DYM: variants seen among roughly 807,000 people sequenced by gnomAD.
DYM encodes dymeclin.
A neutral mutation model predicts 93.1 loss-of-function variants in DYM; 78 were observed. The ratio of observed to expected loss-of-function variants is 0.84; its 90% CI spans 0.70 to 1.01. The LOEUF (loss-of-function observed/expected upper bound fraction) is 1.01. Among genes scored for constraint, DYM ranks in the 50% least tolerant of loss-of-function variants. DYM has a pLI of 0.00. For synonymous variants in DYM, 321 were observed against 319.7 expected (o/e 1.00, Z -0.04); for missense variants, 789 against 845.0 (o/e 0.93, Z 0.82).
At chr18:49,338,262 T>C (rs938118582) in intron 6 of DYM, among the ~76,000 whole-genome samples, 11 of 152,148 alleles carry the variant, frequency 7.2e-5, no homozygotes, top group African/African-American at 1.4e-4. Flanking sequence ...TGGTCCTTCA[T>C]AGGACATCTA....
In DYM at chr18:49,218,989, C is replaced by T. The variant is rs1287194742; in HGVS notation, c.1461-9274G>A. Among the ~76,000 whole-genome samples, 4 of 152,076 alleles carry T rather than the reference C, an allele frequency of 2.6e-5. No individual in the cohort carries two copies. In the East Asian group the frequency reaches 7.7e-4, roughly 29 times the overall value. On this transcript the variant is annotated intron_variant, in intron 13 of 17. Transcript: ENST00000675505. The stretch of plus-strand genomic sequence containing the variant: ...GGAGCTGGTTTTTTGAAAGGATCAA[C>T]AAAATTGATAGACCGCTAGCAAGAC...
At chr18:49,293,441 C>T (rs1305642195) in intron 8 of DYM, among the ~76,000 whole-genome samples, 1 of 152,192 alleles carries the variant, frequency 6.6e-6, no homozygotes, top group Non-Finnish European at 1.5e-5. Context: ...ACACTCCCAC[C>T]AACAGTATAA....
intron 14 of DYM, among the ~76,000 whole-genome samples, chr18:49,187,954 C>T (rs186672439): frequency 1.3e-5 from 2 of 152,186 alleles, no homozygotes; most frequent in East Asian, 3.9e-4. Context: ...ATCAATAAGG[C>T]CACCTCATCC....
chr18:49,304,965 C>T (rs1045674634), intron 8 of DYM, among the ~76,000 whole-genome samples: 2 of 152,156 alleles, frequency 1.3e-5, no homozygotes, highest in African/African-American at 4.8e-5. Flanking sequence ...GGTGACTGCA[C>T]TGCCACTACA....
intron 11 of DYM, among the ~76,000 whole-genome samples, chr18:49,261,757 A>G (rs1156395438): frequency 6.6e-6 from 1 of 152,222 alleles, no homozygotes; most frequent in Non-Finnish European, 1.5e-5. Flanking sequence ...AACAATTGAC[A>G]TCTATATGCC....
chr18:49,175,206 A>G (rs575809939), intron 14 of DYM, among the ~76,000 whole-genome samples: 23 of 152,338 alleles, frequency 1.5e-4, no homozygotes, highest in African/African-American at 5.3e-4. Flanking sequence ...ATCCTTGGAC[A>G]GTGTTCTGCG....
At chr18:49,347,242 A>G (rs907401692) in intron 6 of DYM, among the ~76,000 whole-genome samples, 4 of 152,144 alleles carry the variant, frequency 2.6e-5, no homozygotes, top group African/African-American at 9.7e-5. Context: ...GCAGTTAACT[A>G]TGGAGGCCAA....
At chr18:49,182,991 T>C (rs1438365767) in intron 14 of DYM, among the ~76,000 whole-genome samples, 1 of 152,156 alleles carries the variant, frequency 6.6e-6, no homozygotes, top group Non-Finnish European at 1.5e-5. Flanking sequence ...AACCCCACAG[T>C]TTTAGATATT....
At chr18:49,328,878 T>C (rs1235469509) in intron 8 of DYM, among the ~76,000 whole-genome samples, 1 of 152,166 alleles carries the variant, frequency 6.6e-6, no homozygotes, top group Non-Finnish European at 1.5e-5. Context: ...AGTGTGGCGA[T>C]TCCTCAGGGT....
At chr18:49,190,462 C>A (rs539925648) in intron 14 of DYM, among the ~76,000 whole-genome samples, 6 of 152,262 alleles carry the variant, frequency 3.9e-5, no homozygotes, top group African/African-American at 1.4e-4. Flanking sequence ...ACTCTCAATG[C>A]CACAACCATT....
Position 49,377,833 on chromosome 18 carries a change from C to G in DYM, c.421+734G>C, listed in dbSNP as rs2067658163. ...GCATGAAATCCACATAGCACACAGA[C>G]CTCCATTAAAAGTATACACATCTCA... On this transcript the variant is annotated intron_variant, in intron 5 of 17. Coordinates refer to ENST00000675505, the MANE Select transcript of DYM (RefSeq NM_001353214.3). Among the ~76,000 whole-genome samples the G allele has an allele frequency of 5.3e-5, 8 of 152,278 alleles. No individual in the cohort carries two copies. In the South Asian group the frequency reaches 1.5e-3, roughly 28 times the overall value.
chr18:49,399,109 C>T (rs959057835), intron 2 of DYM, among the ~76,000 whole-genome samples: 4 of 152,174 alleles, frequency 2.6e-5, no homozygotes, highest in African/African-American at 9.7e-5. Flanking sequence ...AAGATGCTGC[C>T]TCTGCCTCCA....
At chr18:49,166,119 C>T (rs548599794) in intron 14 of DYM, among the ~76,000 whole-genome samples, 75 of 152,260 alleles carry the variant, frequency 4.9e-4, no homozygotes, top group South Asian at 1.0e-3. Flanking sequence ...ACCATACTTT[C>T]CACTCATCGT....
intron 14 of DYM, chr18:49,208,415 C>T (rs1171896553): frequency 1.3e-5 from 2 of 152,012 alleles, no homozygotes; most frequent in Admixed American, 1.3e-4. Context: ...ACATTACATA[C>T]GTAACAGTTA....
chr18:49,300,122 C>T (rs1416145319), intron 8 of DYM, among the ~76,000 whole-genome samples: 1 of 145,174 alleles, frequency 6.9e-6, no homozygotes, highest in Non-Finnish European at 1.5e-5. Flanking sequence ...TAAATATATA[C>T]ATATTTGTAT....
At chr18:49,330,103 T>C (rs1041077988) in intron 8 of DYM, among the ~76,000 whole-genome samples, 4 of 152,194 alleles carry the variant, frequency 2.6e-5, no homozygotes, top group Non-Finnish European at 4.4e-5. Flanking sequence ...TGTTGTTTTT[T>C]TATAATCCTT....
intron 1 of DYM, among the ~76,000 whole-genome samples, chr18:49,430,949 A>T (rs2080270128): frequency 6.6e-6 from 1 of 152,142 alleles, no homozygotes; most frequent in African/African-American, 2.4e-5. Flanking sequence ...CAAAAATCCG[A>T]ATCTATATTG....
At chr18:49,396,277 T>C (rs1014533988) in intron 2 of DYM, among the ~76,000 whole-genome samples, 6 of 152,070 alleles carry the variant, frequency 3.9e-5, no homozygotes, top group Non-Finnish European at 8.8e-5. Flanking sequence ...AGGACAACAG[T>C]AGGGAGGTTT....
At chr18:49,362,315 T>C (rs2066103828) in intron 6 of DYM, among the ~76,000 whole-genome samples, 1 of 152,252 alleles carries the variant, frequency 6.6e-6, no homozygotes, top group Admixed American at 6.5e-5. Flanking sequence ...CTGGCCAACA[T>C]AGTGAGGCCC....
Sources: gnomAD v4.1 joint callset for allele counts (sites outside exome capture counted in the v4.1 genomes callset) on GRCh38, gnomAD v4.1.1 for gene constraint, MANE v1.5 for transcripts, NCBI Gene and HGNC (gene_info 2026-07-23, HGNC 2026-07-21) for gene names.